Variants in RNLS observed in about 807,000 individuals in gnomAD.
RNLS encodes renalase.
Under a neutral mutation model 39.8 loss-of-function variants are expected in RNLS, and 39 were observed. That is an observed-to-expected ratio of 0.98 (90% CI 0.76 to 1.28). RNLS has a LOEUF of 1.28. Ranked by LOEUF, RNLS falls within the 50% of genes most tolerant of loss-of-function variation. The pLI is 0.00. For synonymous variants in RNLS, 147 were observed against 150.7 expected (o/e 0.98, Z 0.18); for missense variants, 410 against 413.3 (o/e 0.99, Z 0.07).
chr10:88,557,689 G>A (rs1366673779), intron 4 of RNLS, among the ~76,000 whole-genome samples: 1 of 151,958 alleles, frequency 6.6e-6, no homozygotes, highest in Non-Finnish European at 1.5e-5. Flanking sequence ...GTTGATTGTG[G>A]TAATACTTTC....
At chr10:88,241,643 A>T in the RNLS span, among the ~76,000 whole-genome samples, 1 of 152,154 alleles carries the variant, frequency 6.6e-6, no homozygotes, top group East Asian at 1.9e-4. Flanking sequence ...CCACAAGAGT[A>T]ATTTTTTGGA....
At position 88,454,749 on chromosome 10, in the gene RNLS, C is replaced by T. The variant is rs373827169; in HGVS notation, c.527-92024G>A. Reference sequence around the variant, plus strand: ...CATCTTTCCCCTGTGACCAAAGAGGCAAGAAGTAGAACTTGTTCCAAAGTG... The same window carrying T: ...CATCTTTCCCCTGTGACCAAAGAGGTAAGAAGTAGAACTTGTTCCAAAGTG... On this transcript the variant is annotated intron_variant, in intron 4 of 6. Coordinates refer to ENST00000331772, the MANE Select transcript of RNLS (RefSeq NM_001031709.3). Among the ~76,000 whole-genome samples, 3 of 152,094 alleles carry T rather than the reference C, an allele frequency of 2.0e-5. No individual in the cohort carries two copies. The East Asian group carries it at 5.8e-4, about 29-fold the overall frequency.
At chr10:88,509,477 G>A (rs1405632180) in intron 4 of RNLS, among the ~76,000 whole-genome samples, 1 of 145,810 alleles carries the variant, frequency 6.9e-6, no homozygotes, top group Admixed American at 6.9e-5. Flanking sequence ...GAGGAGAGGA[G>A]AGGGGAGGAG....
the RNLS span, among the ~76,000 whole-genome samples, chr10:88,200,205 A>T: frequency 3.5e-4 from 53 of 152,310 alleles, 1 homozygote; most frequent in East Asian, 9.8e-3. Flanking sequence ...TTACATCCAC[A>T]ATGGCAAAAT....
the RNLS span, among the ~76,000 whole-genome samples, chr10:88,175,765 C>T: frequency 3.9e-5 from 6 of 152,078 alleles, no homozygotes; most frequent in Non-Finnish European, 8.8e-5. Flanking sequence ...TCCATTTGGT[C>T]TACAATTAAG....
chr10:88,374,973 A>T lies in RNLS; in HGVS notation c.527-12248T>A, dbSNP rs184229810. Reference sequence around the variant, plus strand: ...AATGACCTCCTCCCCACTTGCTCTCATTCTTACCAGAAGTTTTCAGTTAAC... The same window carrying T: ...AATGACCTCCTCCCCACTTGCTCTCTTTCTTACCAGAAGTTTTCAGTTAAC... On this transcript the variant is annotated intron_variant, in intron 4 of 6. Transcript: ENST00000331772. Among the ~76,000 whole-genome samples, 869 of 152,226 alleles carry T rather than the reference A, an allele frequency of 5.7e-3. 3 individuals carry two copies. Among genetic ancestry groups the T allele is most frequent in the Non-Finnish European group, 9.1e-3 (620 of 68,000 alleles).
intron 4 of RNLS, among the ~76,000 whole-genome samples, chr10:88,491,098 A>G (rs1589886498): frequency 6.6e-6 from 1 of 152,136 alleles, no homozygotes; most frequent in East Asian, 1.9e-4. Context: ...AAGTCTCATT[A>G]TCTCCCTTTT....
chr10:88,528,436 A>C (rs1194118576), intron 4 of RNLS, among the ~76,000 whole-genome samples: 4 of 152,174 alleles, frequency 2.6e-5, no homozygotes, highest in Admixed American at 6.5e-5. Context: ...ATAAAGAAAG[A>C]AAGCAGGAAA....
intron 4 of RNLS, among the ~76,000 whole-genome samples, chr10:88,401,569 T>C (rs1041889979): frequency 6.6e-6 from 1 of 152,080 alleles, no homozygotes; most frequent in Non-Finnish European, 1.5e-5. Flanking sequence ...CTCTTGCAGT[T>C]CTACTGTAGG....
chr10:88,365,172 G>A (rs550785073), intron 4 of RNLS, among the ~76,000 whole-genome samples: 1 of 151,844 alleles, frequency 6.6e-6, no homozygotes, highest in Non-Finnish European at 1.5e-5. Context: ...AATTCATTCC[G>A]AGAACAGGGA....
At chr10:88,558,914 T>C (rs1169037941) in intron 4 of RNLS, among the ~76,000 whole-genome samples, 1 of 152,148 alleles carries the variant, frequency 6.6e-6, no homozygotes, top group Admixed American at 6.6e-5. Flanking sequence ...GACCAGCTCG[T>C]GTCAGAAGTT....
At chr10:88,432,701 G>T (rs992409218) in intron 4 of RNLS, among the ~76,000 whole-genome samples, 16 of 152,050 alleles carry the variant, frequency 1.1e-4, no homozygotes, top group African/African-American at 3.1e-4. Flanking sequence ...AAATGCCAAG[G>T]AAGATACAAA....
chr10:88,224,341 A>G, the RNLS span, among the ~76,000 whole-genome samples: 1 of 152,180 alleles, frequency 6.6e-6, no homozygotes, highest in African/African-American at 2.4e-5. Context: ...TCTTAATACT[A>G]TCACATTGGT....
At chr10:88,441,440 C>A (rs1212450422) in intron 4 of RNLS, among the ~76,000 whole-genome samples, 3 of 152,130 alleles carry the variant, frequency 2.0e-5, no homozygotes, top group Non-Finnish European at 4.4e-5. Context: ...CAGGATAAAA[C>A]AAATTGATAC....
chr10:88,535,673 G>A (rs10736359), intron 4 of RNLS, among the ~76,000 whole-genome samples: 123,752 of 152,058 alleles, frequency 0.81, 50,839 homozygotes, highest in East Asian at 1. Context: ...CCCTACAGCT[G>A]AAGTTTGGGT....
At chr10:88,393,739 A>C (rs1214615601) in intron 4 of RNLS, among the ~76,000 whole-genome samples, 2 of 152,210 alleles carry the variant, frequency 1.3e-5, no homozygotes, top group Non-Finnish European at 2.9e-5. Flanking sequence ...TGCCAAGTCA[A>C]TCTTAAGCCA....
chr10:88,511,519 T>C lies in RNLS; in HGVS notation c.526+61384A>G, dbSNP rs2134156524. Among the ~76,000 whole-genome samples, 2 of 152,166 alleles carry C rather than the reference T, an allele frequency of 1.3e-5. 1 individual carries two copies. Among genetic ancestry groups the C allele is most frequent in the South Asian group, 4.2e-4 (2 of 4,818 alleles). On this transcript the variant is annotated intron_variant, in intron 4 of 6. Coordinates refer to ENST00000331772, the MANE Select transcript of RNLS (RefSeq NM_001031709.3). Reference sequence around the variant, plus strand: ...TCAGGGGAGATACCCAAGCTGAAGATGTGTGTTTGGGACTTAATGTCCTGA... The same window carrying C: ...TCAGGGGAGATACCCAAGCTGAAGACGTGTGTTTGGGACTTAATGTCCTGA...
At chr10:88,220,942 A>G in the RNLS span, among the ~76,000 whole-genome samples, 174 of 152,336 alleles carry the variant, frequency 1.1e-3, no homozygotes, top group African/African-American at 4.1e-3. Context: ...GCAGCTAGCA[A>G]GTGACAGAGT....
intron 4 of RNLS, among the ~76,000 whole-genome samples, chr10:88,477,449 A>G (rs1024622307): frequency 2.6e-5 from 4 of 152,130 alleles, no homozygotes; most frequent in Admixed American, 6.6e-5. Flanking sequence ...TGGGGATGAC[A>G]GCGATGGTGG....
Sources: allele counts gnomAD v4.1 joint callset (sites outside exome capture counted in the v4.1 genomes callset), GRCh38; gene constraint gnomAD v4.1.1; transcripts MANE v1.5; gene names NCBI Gene and HGNC (gene_info 2026-07-23, HGNC 2026-07-21).